NLRP8: variants seen among roughly 807,000 people sequenced by gnomAD.
NLRP8 encodes the protein NACHT, LRR and PYD domains-containing protein 8.
Under a neutral mutation model 88.7 loss-of-function variants are expected in NLRP8, and 86 were observed. The ratio of observed to expected loss-of-function variants is 0.97; its 90% confidence interval spans 0.81 to 1.16. The LOEUF (loss-of-function observed/expected upper bound fraction) is 1.16, where lower values mean the gene tolerates loss of function less well. Ranked by LOEUF, NLRP8 falls within the 50% of genes most tolerant of loss-of-function variation. The pLI, the probability that NLRP8 is intolerant of heterozygous loss-of-function variation, is 0.00. For synonymous variants in NLRP8, 504 were observed against 494.6 expected (o/e 1.02, Z -0.25); for missense variants, 1,342 against 1,286.5 (o/e 1.04, Z -0.66).
At chr19:55,957,677 AT>A (rs1194078842) in intron 3 of NLRP8, among the ~76,000 whole-genome samples, 1,441 of 11,596 alleles carry the variant, frequency 0.12, 74 homozygotes, top group African/African-American at 0.23. Flanking sequence ...TAATAATTAT[AT>A]ATATATATAT....
intron 9 of NLRP8, among the ~76,000 whole-genome samples, chr19:55,983,942 A>C (rs909788620): frequency 1.3e-5 from 2 of 152,138 alleles, no homozygotes; most frequent in African/African-American, 4.8e-5. Context: ...CTAAAAAATT[A>C]CTGCTAACAT....
chr19:55,957,673 TTATATATATA>T (rs10523999), intron 3 of NLRP8, among the ~76,000 whole-genome samples: 2,460 of 30,080 alleles, frequency 0.082, 26 homozygotes, highest in African/African-American at 0.09. Context: ...AAAATAATAA[TTATATATATA>T]TATATATATA....
At chr19:55,986,473 T>TACACACACACACACAC (rs896816246) in intron 9 of NLRP8, among the ~76,000 whole-genome samples, 18 of 72,492 alleles carry the variant, frequency 2.5e-4, no homozygotes, top group African/African-American at 6.6e-4. Context: ...CTCTCTCACA[T>TACACACACACACACAC]ACACACACAC....
chr19:55,976,092 AGTT>A lies in NLRP8; in HGVS notation c.2706-25_2706-23del, dbSNP rs201466831. On this transcript the variant is annotated intron_variant, in intron 7 of 9. Transcript: ENST00000291971. ...GTTGTTGTTGTTGTTGTTTTGTTGT[AGTT>A]GTTGTTGTTGTTGTTTTTAACCTGT... 7,362 of 1,445,452 alleles carry A rather than the reference AGTT, an allele frequency of 5.1e-3. 280 individuals are homozygous for A. In the African/African-American group the frequency reaches 0.087, roughly 17 times the overall value. 89.5% of individuals were successfully genotyped at this position (1,445,452 alleles called of 1,614,324 possible).
intron 9 of NLRP8, among the ~76,000 whole-genome samples, chr19:55,983,082 T>G (rs1980640224): frequency 6.6e-6 from 1 of 152,200 alleles, no homozygotes; most frequent in Admixed American, 6.5e-5. Context: ...TCGTGAGACC[T>G]TGGTTCTTGT....
rs146363975 is a variant in NLRP8, at chr19:55,952,073, A to G, written c.368-465A>G. Reference sequence around the variant, plus strand: ...AGCCTCGTATTGGTTTTTTAATTGTATTATTTTATTGTTGTATTTTTATTG... The same window carrying G: ...AGCCTCGTATTGGTTTTTTAATTGTGTTATTTTATTGTTGTATTTTTATTG... On this transcript the variant is annotated intron_variant, in intron 1 of 9. Coordinates refer to ENST00000291971, the MANE Select transcript of NLRP8 (RefSeq NM_176811.2). Among the ~76,000 whole-genome samples, 1,216 of 151,984 alleles carry G rather than the reference A, an allele frequency of 8.0e-3. 20 individuals are homozygous for G. The highest frequency in any genetic ancestry group is 0.028 in the African/African-American group (1,146 of 41,460).
At position 55,983,971 on chromosome 19, in the gene NLRP8, CTAATA is replaced by C. The variant is rs572206660; in HGVS notation, c.3048-3841_3048-3837del. 1.7e-3 allele frequency among the ~76,000 whole-genome samples: 259 copies of C among 152,078 alleles called. 1 individual carries two copies. Among genetic ancestry groups the C allele is most frequent in the South Asian group, 4.4e-3 (21 of 4,816 alleles). On this transcript the variant is annotated intron_variant, in intron 9 of 9. Transcript: ENST00000291971. Reference sequence around the variant, plus strand: ...CTAACATGCTTATTGTTAATTTAATCTAATATTTCACTATTTGTGAAAATTCTTTC... The same window carrying C: ...CTAACATGCTTATTGTTAATTTAATCTTTCACTATTTGTGAAAATTCTTTC...
chr19:55,964,427 C>T (rs934556593), intron 4 of NLRP8, among the ~76,000 whole-genome samples: 12 of 152,148 alleles, frequency 7.9e-5, no homozygotes, highest in African/African-American at 2.4e-4. Flanking sequence ...TTGCACAGAA[C>T]GGGCCCCTCC....
At position 55,962,132 on chromosome 19, in the gene NLRP8, A is replaced by C; in HGVS notation, c.2108A>C (p.Asp703Ala). 1 of 1,614,196 alleles carries C rather than the reference A, an allele frequency of 6.2e-7. No homozygotes were observed. Among genetic ancestry groups the C allele is most frequent in the Non-Finnish European group, 8.5e-7 (1 of 1,180,016 alleles). The change falls in exon 4 of 10, where the codon GAT becomes GCT. Residue 703 changes from aspartate to alanine, a missense_variant. Asp to Ala is a moderately radical substitution (Grantham distance 126). Coordinates refer to ENST00000291971, the MANE Select transcript of NLRP8 (RefSeq NM_176811.2). ...TTATGCTCTGTGTTTGCAACGAATG[A>C]TAAGCTGGAAGTCCTGACTATGACC...
rs143870298 is a variant in NLRP8 at position 55,986,442 on chromosome 19, ACT to A, written c.3048-1362_3048-1361del. ...CATTCTCTCTCTCACACACACATGC[ACT>A]CTCTCTCTCACACACACACTCTCTC... On this transcript the variant is annotated intron_variant, in intron 9 of 9. Transcript: ENST00000291971. Among the ~76,000 whole-genome samples, 327 of 128,070 alleles carry A rather than the reference ACT, an allele frequency of 2.6e-3. 4 individuals are homozygous for A. Among genetic ancestry groups the A allele is most frequent in the South Asian group, 0.02 (78 of 3,994 alleles). 84.0% of individuals were successfully genotyped at this position (128,070 alleles called of 152,430 possible). A position where few individuals can be genotyped will look rare whatever the true frequency, so the allele number is the denominator to read the frequency against.
Position 55,955,634 on chromosome 19 carries a change from A to G in NLRP8, c.1576A>G (p.Arg526Gly), listed in dbSNP as rs1322204387. 1.2e-6 allele frequency: 2 copies of G among 1,614,204 alleles called. No homozygotes were observed. The highest frequency in any genetic ancestry group is 2.2e-5 in the South Asian group (2 of 91,084). Reference sequence around the variant, plus strand: ...GTTTTATGTTCTCTGTTTCCCACAAAGACTCAAAAATTTTCATGTGTTGAG... The same window carrying G: ...GTTTTATGTTCTCTGTTTCCCACAAGGACTCAAAAATTTTCATGTGTTGAG... The change falls in exon 3 of 10, where the codon AGA becomes GGA. Residue 526 changes from arginine (R) to glycine (G), a missense_variant. By Grantham distance (125) the Arg-to-Gly change is moderately radical. Transcript: ENST00000291971.
chr19:55,974,180 C>T (rs1313301300), intron 7 of NLRP8, among the ~76,000 whole-genome samples: 3 of 149,852 alleles, frequency 2.0e-5, no homozygotes, highest in Non-Finnish European at 4.5e-5. Flanking sequence ...CAAAAGGTGG[C>T]TTGACAGTTA....
chr19:55,957,673 T>TAATAATAA (rs1378405360), intron 3 of NLRP8, among the ~76,000 whole-genome samples: 1 of 31,216 alleles, frequency 3.2e-5, no homozygotes, highest in Non-Finnish European at 4.9e-5. Flanking sequence ...AAAATAATAA[T>TAATAATAA]TATATATATA....
intron 2 of NLRP8, among the ~76,000 whole-genome samples, chr19:55,954,231 G>A (rs1979225685): frequency 6.6e-6 from 1 of 152,088 alleles, no homozygotes; most frequent in Non-Finnish European, 1.5e-5. Flanking sequence ...TGAAACTATG[G>A]CGCCACTGAA....
Position 55,955,472 on chromosome 19 carries a change from G to A in NLRP8, c.1414G>A (p.Glu472Lys). The change falls in exon 3 of 10, where the codon GAA becomes AAA. Residue 472 changes from glutamate (E) to lysine (K), a missense_variant. Transcript: ENST00000291971. The stretch of plus-strand genomic sequence containing the variant: ...GCACAGGAAATGGGTGTTAGGTAAA[G>A]AAGATCTTGAGGAAGCCAAGCTGGA... 5 of 1,614,196 alleles carry A rather than the reference G, an allele frequency of 3.1e-6. No homozygotes were observed. Among genetic ancestry groups the A allele is most frequent in the Non-Finnish European group, 4.2e-6 (5 of 1,180,014 alleles).
chr19:55,960,897 CTTTTT>C (rs36087472), intron 3 of NLRP8, among the ~76,000 whole-genome samples: 7 of 91,006 alleles, frequency 7.7e-5, no homozygotes, highest in African/African-American at 2.7e-4. Context: ...AACTATTTCT[CTTTTT>C]TTTTTTTTTT....
At chr19:55,975,295 C>T (rs1405414939) in intron 7 of NLRP8, among the ~76,000 whole-genome samples, 6 of 152,176 alleles carry the variant, frequency 3.9e-5, no homozygotes, top group African/African-American at 1.2e-4. Flanking sequence ...CAAAATACCC[C>T]CTGAAACACT....
intron 3 of NLRP8, among the ~76,000 whole-genome samples, chr19:55,956,891 CA>C (rs1378654139): frequency 6.6e-6 from 1 of 152,156 alleles, no homozygotes; most frequent in Non-Finnish European, 1.5e-5. Context: ...CTTCTGGGCT[CA>C]AACAATTCTC....
intron 3 of NLRP8, among the ~76,000 whole-genome samples, chr19:55,960,709 T>C (rs1282951008): frequency 6.6e-6 from 1 of 152,174 alleles, no homozygotes; most frequent in Non-Finnish European, 1.5e-5. Flanking sequence ...ATCTATTTCA[T>C]GGGATTTAAA....
Sources: gnomAD v4.1 joint callset for allele counts (sites outside exome capture counted in the v4.1 genomes callset) on GRCh38, gnomAD v4.1.1 for gene constraint, MANE v1.5 for transcripts, NCBI Gene and HGNC (gene_info 2026-07-23, HGNC 2026-07-21) for gene names.